GRM5: variants seen among roughly 807,000 people sequenced by gnomAD.
GRM5 encodes glutamate metabotropic receptor 5.
A neutral mutation model predicts 83.1 loss-of-function variants in GRM5; 19 were observed. The observed-to-expected ratio is 0.23, with a 90% CI of 0.16 to 0.34. The LOEUF (loss-of-function observed/expected upper bound fraction) is 0.34. Ranked by LOEUF, GRM5 falls within the 10% of genes least tolerant of loss-of-function variation. The pLI is 1.00. For synonymous variants in GRM5, 675 were observed against 633.6 expected (o/e 1.07, Z -0.98); for missense variants, 1,160 against 1,588.3 (o/e 0.73, Z 4.58).
chr11:89,020,678 G>T (rs143435425), intron 2 of GRM5, among the ~76,000 whole-genome samples: 1 of 152,040 alleles, frequency 6.6e-6, no homozygotes, highest in Non-Finnish European at 1.5e-5. Context: ...ATGCCTATCT[G>T]GTTTTTGATG....
intron 3 of GRM5, among the ~76,000 whole-genome samples, chr11:88,785,830 T>G (rs1943058145): frequency 6.6e-6 from 1 of 152,086 alleles, no homozygotes; most frequent in African/African-American, 2.4e-5. Flanking sequence ...TATGCACCAT[T>G]TATCTTCAGG....
intron 2 of GRM5, among the ~76,000 whole-genome samples, chr11:88,956,449 T>C (rs1938616418): frequency 1.3e-5 from 2 of 152,214 alleles, no homozygotes; most frequent in South Asian, 4.1e-4. Context: ...AATACAAATA[T>C]TACATTGTTC....
At chr11:88,601,036 A>G (rs1289939641) in intron 5 of GRM5, among the ~76,000 whole-genome samples, 1 of 152,172 alleles carries the variant, frequency 6.6e-6, no homozygotes, top group Non-Finnish European at 1.5e-5. Flanking sequence ...CTTTTATACT[A>G]TATGTTAATA....
chr11:88,635,684 T>A (rs1220922314), intron 4 of GRM5, among the ~76,000 whole-genome samples: 1 of 152,202 alleles, frequency 6.6e-6, no homozygotes, highest in Non-Finnish European at 1.5e-5. Context: ...AGCTTTCTAG[T>A]TTGATTAAAT....
chr11:89,054,609 T>G (rs11018442), intron 1 of GRM5, among the ~76,000 whole-genome samples: 1 of 151,814 alleles, frequency 6.6e-6, no homozygotes, highest in African/African-American at 2.4e-5. Context: ...GAGAAAAGAA[T>G]CTAGTGCCAG....
intron 2 of GRM5, among the ~76,000 whole-genome samples, chr11:88,984,171 T>C (rs969908938): frequency 6.6e-6 from 1 of 152,156 alleles, no homozygotes; most frequent in Non-Finnish European, 1.5e-5. Flanking sequence ...TACAGAGTAA[T>C]GTCCTAGGTC....
At chr11:88,743,543 A>G (rs928338536) in intron 3 of GRM5, among the ~76,000 whole-genome samples, 3 of 152,098 alleles carry the variant, frequency 2.0e-5, no homozygotes, top group Non-Finnish European at 4.4e-5. Context: ...ACGACCCTCA[A>G]TGGTGACCTC....
intron 3 of GRM5, among the ~76,000 whole-genome samples, chr11:88,784,858 T>C (rs1228977247): frequency 1.3e-5 from 2 of 152,044 alleles, no homozygotes; most frequent in African/African-American, 2.4e-5. Flanking sequence ...ATGTTGCAAA[T>C]GTTTAACTGT....
Position 88,510,853 on chromosome 11 carries a change from A to C in GRM5, c.2727-1349T>G, listed in dbSNP as rs942978886. On this transcript the variant is annotated intron_variant, in intron 9 of 9. Coordinates refer to ENST00000305447, the MANE Select transcript of GRM5 (RefSeq NM_001143831.3). The stretch of plus-strand genomic sequence containing the variant: ...TGAAGAGATTCTGGTGTAGTTTCCC[A>C]TCACAAAGTAATCCAAGATCTCTGT... Among the ~76,000 whole-genome samples, 6 of 152,206 alleles carry C rather than the reference A, an allele frequency of 3.9e-5. No individual in the cohort carries two copies. The East Asian group carries it at 1.2e-3, about 29-fold the overall frequency.
In GRM5 at chr11:88,658,170, G is replaced by A. The variant is rs113882677; in HGVS notation, c.912-4767C>T. 4.9e-3 allele frequency among the ~76,000 whole-genome samples: 740 copies of A among 152,188 alleles called. 10 individuals are homozygous for A. Among genetic ancestry groups the A allele is most frequent in the African/African-American group, 0.017 (709 of 41,522 alleles). On this transcript the variant is annotated intron_variant, in intron 3 of 9. Coordinates refer to ENST00000305447, the MANE Select transcript of GRM5 (RefSeq NM_001143831.3). Reference sequence around the variant, plus strand: ...GTGAATCCTATCGTGAACTGTACACGTGAGGGAGCTAGGTCGTGCGCTTCT... The same window carrying A: ...GTGAATCCTATCGTGAACTGTACACATGAGGGAGCTAGGTCGTGCGCTTCT...
At chr11:88,809,561 T>G (rs1202457850) in intron 3 of GRM5, among the ~76,000 whole-genome samples, 2 of 152,072 alleles carry the variant, frequency 1.3e-5, no homozygotes, top group African/African-American at 4.8e-5. Flanking sequence ...CTTTGCTATA[T>G]TCTAGAAAAT....
chr11:88,850,874 A>G (rs1344947778), intron 2 of GRM5, among the ~76,000 whole-genome samples: 2 of 120,946 alleles, frequency 1.7e-5, no homozygotes, highest in African/African-American at 6.5e-5. Context: ...TTAAAAATTA[A>G]TGAAAAGGGG....
At position 88,597,331 on chromosome 11, in the gene GRM5, C is replaced by T. The variant is rs201490897; in HGVS notation, c.1416G>A (p.Lys472=). The stretch of plus-strand genomic sequence containing the variant: ...AATCAAAGTAATCTTTTCCCATTTC[C>T]TTGAAATTCATTATTTCATACCTTA... ...SPGRYEIMNF[K]EMGKDYFDYI... Residue 472 remains lysine (K), a synonymous_variant, in exon 6 of 10, where the codon AAG becomes AAA. Coordinates refer to ENST00000305447, the MANE Select transcript of GRM5 (RefSeq NM_001143831.3). 2.6e-6 allele frequency: 4 copies of T among 1,530,826 alleles called. No homozygotes were observed. Among genetic ancestry groups the T allele is most frequent in the Non-Finnish European group, 3.6e-6 (4 of 1,109,422 alleles). The allele number at this position is 1,530,826 out of a possible 1,614,324, so 94.8% of individuals were successfully genotyped here.
rs1941139910 is a variant in GRM5 at position 88,504,802 on chromosome 11, A to C, written c.*3790T>G. On this transcript the variant is annotated 3_prime_UTR_variant, in exon 10 of 10. Coordinates refer to ENST00000305447, the MANE Select transcript of GRM5 (RefSeq NM_001143831.3). ...TAATTTAACATTCTCTATTATTTTA[A>C]TAGTACAAGCTGCCACAACAGAGAA... 1 of 152,186 alleles carries C rather than the reference A, an allele frequency of 6.6e-6. No homozygotes were observed. The highest frequency in any genetic ancestry group is 1.5e-5 in the Non-Finnish European group (1 of 68,006). The allele number at this position is 152,186 out of a possible 1,614,324, so 9.4% of individuals were successfully genotyped here. A position where few individuals can be genotyped will look rare whatever the true frequency, so the allele number is the denominator to read the frequency against.
At chr11:89,026,798 T>C (rs1941139063) in intron 2 of GRM5, among the ~76,000 whole-genome samples, 2 of 152,236 alleles carry the variant, frequency 1.3e-5, no homozygotes, top group African/African-American at 2.4e-5. Flanking sequence ...GAGAACTCCA[T>C]AGGGCAACAG....
chr11:88,783,474 A>G (rs1943011200), intron 3 of GRM5, among the ~76,000 whole-genome samples: 1 of 152,154 alleles, frequency 6.6e-6, no homozygotes, highest in African/African-American at 2.4e-5. Context: ...GCAGGTAGGT[A>G]GGTGTGTCAG....
chr11:88,830,342 G>A (rs1250135869), intron 3 of GRM5, among the ~76,000 whole-genome samples: 1 of 144,342 alleles, frequency 6.9e-6, no homozygotes, highest in Non-Finnish European at 1.5e-5. Context: ...TAAAATAAAA[G>A]TGAGAGAGAG....
At chr11:88,908,255 G>A (rs1417205440) in intron 2 of GRM5, among the ~76,000 whole-genome samples, 1 of 152,084 alleles carries the variant, frequency 6.6e-6, no homozygotes, top group Non-Finnish European at 1.5e-5. Context: ...CCTAGGAACT[G>A]TAATAGGAGG....
At chr11:88,972,035 C>T (rs766904508) in intron 2 of GRM5, among the ~76,000 whole-genome samples, 9 of 152,268 alleles carry the variant, frequency 5.9e-5, no homozygotes, top group East Asian at 3.9e-4. Flanking sequence ...GCAGGAGCAT[C>T]GCCATCTTGG....
Sources: allele counts gnomAD v4.1 joint callset (sites outside exome capture counted in the v4.1 genomes callset), GRCh38; gene constraint gnomAD v4.1.1; transcripts MANE v1.5; gene names NCBI Gene and HGNC (gene_info 2026-07-23, HGNC 2026-07-21).